PDE4B: variants seen among roughly 807,000 people sequenced by gnomAD.
The protein encoded by PDE4B is phosphodiesterase 4B, also known as 3',5'-cyclic-AMP phosphodiesterase 4B.
In PDE4B, 20 loss-of-function variants were observed where a neutral mutation model predicts 82.2. That is an observed-to-expected ratio of 0.24 (90% CI 0.17 to 0.35). The LOEUF (loss-of-function observed/expected upper bound fraction) is 0.35. Among genes scored for constraint, PDE4B ranks in the 10% least tolerant of loss-of-function variants. The probability of loss-of-function intolerance (pLI) is 1.00; values close to 1 mark genes in which losing one functional copy is unlikely to be tolerated. For synonymous variants in PDE4B, 320 were observed against 318.9 expected (o/e 1.00, Z -0.04); for missense variants, 655 against 907.2 (o/e 0.72, Z 3.57).
intron 3 of PDE4B, among the ~76,000 whole-genome samples, chr1:66,245,075 G>T (rs1453922133): frequency 6.6e-6 from 1 of 152,170 alleles, no homozygotes; most frequent in Non-Finnish European, 1.5e-5. Context: ...CCTGCTCTAA[G>T]ATTTTAGCAC....
intron 7 of PDE4B, among the ~76,000 whole-genome samples, chr1:66,272,062 A>C (rs904320498): frequency 1.3e-5 from 2 of 152,232 alleles, no homozygotes; most frequent in Non-Finnish European, 2.9e-5. Context: ...CACTTCTCTC[A>C]GCTGCCTCAT....
intron 8 of PDE4B, among the ~76,000 whole-genome samples, chr1:66,348,112 G>A (rs551587435): frequency 6.6e-6 from 1 of 152,246 alleles, no homozygotes; most frequent in African/African-American, 2.4e-5. Context: ...AAGTTGTAGA[G>A]CTTCTAGCTG....
intron 6 of PDE4B, among the ~76,000 whole-genome samples, chr1:66,265,744 A>G (rs1020747490): frequency 1.3e-5 from 2 of 152,172 alleles, no homozygotes; most frequent in African/African-American, 4.8e-5. Flanking sequence ...GGCTTCTTGG[A>G]ACAGCAAAAC....
intron 7 of PDE4B, among the ~76,000 whole-genome samples, chr1:66,304,510 A>T (rs190981283): frequency 6.6e-6 from 1 of 152,098 alleles, no homozygotes; most frequent in Non-Finnish European, 1.5e-5. Flanking sequence ...CCTCATATTT[A>T]GTGGTCCTTT....
chr1:65,864,276 G>T (rs921913743), intron 1 of PDE4B, among the ~76,000 whole-genome samples: 10 of 151,782 alleles, frequency 6.6e-5, no homozygotes, highest in African/African-American at 1.9e-4. Context: ...TTTTATCAAA[G>T]TTCATAGCTT....
chr1:66,039,524 G>C (rs962695993), intron 3 of PDE4B, among the ~76,000 whole-genome samples: 1 of 151,890 alleles, frequency 6.6e-6, no homozygotes, highest in Non-Finnish European at 1.5e-5. Flanking sequence ...CAACAACGTT[G>C]TTTACTTCTC....
rs12024035 is a variant in PDE4B at position 66,209,978 on chromosome 1, A to T, written c.282-37482A>T. On this transcript the variant is annotated intron_variant, in intron 3 of 16. Transcript: ENST00000341517. ...TGGGGTGATGTTGAATAAAGCTGCT[A>T]TGAGCGTTCGTATCCCAGTTTTATT... Among the ~76,000 whole-genome samples the T allele has an allele frequency of 0.013, 1,943 of 152,234 alleles. 91 individuals are homozygous for T. The East Asian group carries it at 0.15, about 12-fold the overall frequency.
At chr1:66,146,876 C>T (rs1446161827) in intron 3 of PDE4B, among the ~76,000 whole-genome samples, 1 of 152,174 alleles carries the variant, frequency 6.6e-6, no homozygotes, top group Non-Finnish European at 1.5e-5. Flanking sequence ...TCTGTACTTT[C>T]TTGTTCCTAT....
chr1:66,101,797 A>T (rs1028821014), intron 3 of PDE4B, among the ~76,000 whole-genome samples: 4 of 151,954 alleles, frequency 2.6e-5, no homozygotes, highest in Non-Finnish European at 5.9e-5. Flanking sequence ...GTTCACTCTG[A>T]TGGTAGTTTC....
intron 3 of PDE4B, among the ~76,000 whole-genome samples, chr1:66,176,864 A>G (rs2101373833): frequency 6.6e-6 from 1 of 152,308 alleles, no homozygotes; most frequent in African/African-American, 2.4e-5. Flanking sequence ...TTAAATGAAC[A>G]CTTATTGAGA....
chr1:66,354,318 A>C (rs1662061822), intron 8 of PDE4B: 2 of 838,034 alleles, frequency 2.4e-6, no homozygotes, highest in Middle Eastern at 6.1e-4. Flanking sequence ...GTTAAGGAAC[A>C]CCTAGTTGAA....
intron 7 of PDE4B, among the ~76,000 whole-genome samples, chr1:66,325,725 C>G (rs1156902668): frequency 6.6e-6 from 1 of 152,134 alleles, no homozygotes; most frequent in Non-Finnish European, 1.5e-5. Context: ...AGGGCCAAAT[C>G]AAAACTCTGT....
intron 7 of PDE4B, among the ~76,000 whole-genome samples, chr1:66,316,237 C>G (rs1292049605): frequency 2.6e-5 from 4 of 152,186 alleles, no homozygotes; most frequent in Non-Finnish European, 5.9e-5. Context: ...GTAGTGTAAT[C>G]TCTTCATTAA....
chr1:65,980,020 A>G (rs1203183749), intron 3 of PDE4B, among the ~76,000 whole-genome samples: 2 of 152,182 alleles, frequency 1.3e-5, no homozygotes, highest in Admixed American at 1.3e-4. Flanking sequence ...AACCATAGAA[A>G]GATCTAGAGA....
At chr1:66,064,057 TAA>T (rs1655718040) in intron 3 of PDE4B, among the ~76,000 whole-genome samples, 2 of 151,956 alleles carry the variant, frequency 1.3e-5, no homozygotes, top group African/African-American at 4.8e-5. Context: ...CGGAGAGTAA[TAA>T]GATAAGTTGT....
At chr1:66,283,870 G>A (rs570991092) in intron 7 of PDE4B, among the ~76,000 whole-genome samples, 12 of 152,262 alleles carry the variant, frequency 7.9e-5, no homozygotes, top group African/African-American at 2.6e-4. Context: ...CAGAGAGAGA[G>A]AAGGGAGAGA....
At chr1:66,035,702 A>G (rs1410396443) in intron 3 of PDE4B, among the ~76,000 whole-genome samples, 2 of 152,152 alleles carry the variant, frequency 1.3e-5, no homozygotes, top group Admixed American at 1.3e-4. Flanking sequence ...TTGTGTGTGT[A>G]TATATATGTA....
intron 1 of PDE4B, among the ~76,000 whole-genome samples, chr1:65,885,618 A>C (rs189538398): frequency 6.6e-6 from 1 of 152,004 alleles, no homozygotes; most frequent in African/African-American, 2.4e-5. Context: ...AGAACAAAAA[A>C]CCAAACACCA....
intron 1 of PDE4B, among the ~76,000 whole-genome samples, chr1:65,869,263 C>T (rs181092029): frequency 7.0e-4 from 106 of 152,320 alleles, no homozygotes; most frequent in Admixed American, 1.4e-3. Flanking sequence ...CATTCTGTGT[C>T]CTTGTTTCCA....
Sources: gnomAD v4.1 joint callset for allele counts (sites outside exome capture counted in the v4.1 genomes callset) on GRCh38, gnomAD v4.1.1 for gene constraint, MANE v1.5 for transcripts, NCBI Gene and HGNC (gene_info 2026-07-23, HGNC 2026-07-21) for gene names.